Variants in LONRF1 observed in about 807,000 individuals in gnomAD.
LONRF1 encodes LON peptidase N-terminal domain and ring finger 1.
A neutral mutation model predicts 85.8 loss-of-function variants in LONRF1; 37 were observed. The observed-to-expected ratio is 0.43, with a 90% CI of 0.33 to 0.57. LONRF1 has a LOEUF of 0.57. LONRF1 is among the 20% of genes least tolerant of loss of function. The pLI is 0.04. For missense variants in LONRF1, 1,036 were observed against 978.0 expected (o/e 1.06, Z -0.79); for synonymous variants, 517 against 390.1 (o/e 1.33, Z -3.83).
At chr8:12,747,526 G>A (rs994698255) in intron 1 of LONRF1, among the ~76,000 whole-genome samples, 8 of 152,254 alleles carry the variant, frequency 5.3e-5, no homozygotes, top group East Asian at 1.9e-4. Context: ...TTTAAGGTTC[G>A]AATTGACTTT....
chr8:12,727,230 GA>G (rs1354097119), intron 10 of LONRF1: 2 of 144,882 alleles, frequency 1.4e-5, no homozygotes, highest in African/African-American at 5.0e-5. Flanking sequence ...CGTCAGTGAT[GA>G]AAAACGGAGC....
chr8:12,735,462 T>C, intron 6 of LONRF1, 62 bp from the exon 7 acceptor site: 1 of 1,060,896 alleles, frequency 9.4e-7, no homozygotes, highest in Non-Finnish European at 1.4e-6. Flanking sequence ...AAGCTTGTAC[T>C]ACTTTAGAAC....
At chr8:12,731,333 G>C (rs958090178) in intron 8 of LONRF1, among the ~76,000 whole-genome samples, 5 of 152,034 alleles carry the variant, frequency 3.3e-5, no homozygotes, top group Admixed American at 1.3e-4. Flanking sequence ...GCCCCCTTCC[G>C]GGCCTCCATG....
At position 12,755,346 on chromosome 8, in the gene LONRF1, G is replaced by T; in HGVS notation, c.75C>A (p.Gly25=). 1 of 1,238,372 alleles carries T rather than the reference G, an allele frequency of 8.1e-7. No individual in the cohort carries two copies. Among genetic ancestry groups the T allele is most frequent in the Non-Finnish European group, 1.0e-6 (1 of 987,640 alleles). 76.7% of individuals were successfully genotyped at this position (1,238,372 alleles called of 1,614,324 possible). ...REMAPAPQGR[G]RFWEVGGGSG... The stretch of plus-strand genomic sequence containing the variant: ...TGCCGCCGCCCACTTCCCAGAACCG[G>T]CCTCGGCCCTGCGGCGCTGGGGCCA... Residue 25 remains glycine (G), a synonymous_variant, in exon 1 of 12, where the codon GGC becomes GGA. Transcript: ENST00000398246.
At position 12,737,040 on chromosome 8, in the gene LONRF1, T is replaced by C; in HGVS notation, c.1214A>G (p.Glu405Gly). 6.2e-7 allele frequency: 1 copy of C among 1,613,724 alleles called. No individual in the cohort carries two copies. The highest frequency in any genetic ancestry group is 8.5e-7 in the Non-Finnish European group (1 of 1,179,704). ...SINSTEMPAR[E>G]DCLKRVSSEP... ...TGAGGACACTCTTTTTAAACAGTCC[T>C]CTCTGGCAGGCATTTCTGTTGAATT... The change falls in exon 5 of 12, where the codon GAG (glutamate) becomes GGG (glycine). Residue 405 changes from glutamate to glycine, a missense_variant. Transcript: ENST00000398246.
intron 6 of LONRF1, among the ~76,000 whole-genome samples, chr8:12,736,363 T>C (rs983543951): frequency 5.9e-5 from 9 of 152,186 alleles, no homozygotes; most frequent in Non-Finnish European, 8.8e-5. Flanking sequence ...TTTAAAACCA[T>C]GGAGATAGGT....
chr8:12,738,920 T>A (rs1272816176), intron 3 of LONRF1, among the ~76,000 whole-genome samples: 1 of 152,174 alleles, frequency 6.6e-6, no homozygotes, highest in Non-Finnish European at 1.5e-5. Context: ...AGCTGTTATC[T>A]TTCAAATACA....
intron 10 of LONRF1, among the ~76,000 whole-genome samples, chr8:12,727,916 T>C (rs1035325305): frequency 2.6e-5 from 4 of 152,198 alleles, no homozygotes; most frequent in Non-Finnish European, 5.9e-5. Context: ...AAGCTCAAAG[T>C]CTGAGTCAGA....
intron 9 of LONRF1, 48 bp downstream of exon 9, chr8:12,729,126 T>G (rs934684055): frequency 8.1e-6 from 13 of 1,611,758 alleles, no homozygotes; most frequent in African/African-American, 1.3e-5. Context: ...TCATCCATAT[T>G]GAGAGGTCTA....
intron 1 of LONRF1, among the ~76,000 whole-genome samples, chr8:12,743,658 T>C (rs1468999150): frequency 6.6e-6 from 1 of 152,196 alleles, no homozygotes; most frequent in Non-Finnish European, 1.5e-5. Flanking sequence ...TCTTATATTT[T>C]TACCCTACTT....
rs542513401 is a variant in LONRF1, at chr8:12,734,810, A to G, written c.1566+476T>C. On this transcript the variant is annotated intron_variant, in intron 7 of 11. Transcript: ENST00000398246. ...GACACTAACCATATTTAAAAGCTTA[A>G]CAGGCAAACATGGCTAATGGCTAAT... Among the ~76,000 whole-genome samples the G allele has an allele frequency of 5.9e-5, 9 of 152,330 alleles. No individual in the cohort carries two copies. The South Asian group carries it at 1.2e-3, about 21-fold the overall frequency.
intron 7 of LONRF1, among the ~76,000 whole-genome samples, chr8:12,733,736 T>C (rs1416303603): frequency 2.0e-5 from 3 of 152,160 alleles, no homozygotes; most frequent in Non-Finnish European, 4.4e-5. Flanking sequence ...ACTGGACTAT[T>C]ATGCTGCTAT....
At chr8:12,748,447 T>G (rs528006059) in intron 1 of LONRF1, among the ~76,000 whole-genome samples, 1 of 152,194 alleles carries the variant, frequency 6.6e-6, no homozygotes, top group South Asian at 2.1e-4. Context: ...TCCTCCCTCC[T>G]TGGCCTCCCA....
At chr8:12,727,421 A>T (rs1213480221) in intron 10 of LONRF1, 1 of 151,710 alleles carries the variant, frequency 6.6e-6, no homozygotes, top group African/African-American at 2.4e-5. Context: ...TTGCCATATA[A>T]AACAAATTTG....
chr8:12,733,119 A>C (rs1418844177), intron 7 of LONRF1, among the ~76,000 whole-genome samples: 1 of 152,170 alleles, frequency 6.6e-6, no homozygotes, highest in African/African-American at 2.4e-5. Flanking sequence ...ACAAGTTGTC[A>C]GGTGACAGAT....
intron 11 of LONRF1, among the ~76,000 whole-genome samples, chr8:12,724,042 T>G (rs1806046987): frequency 1.3e-5 from 2 of 152,224 alleles, no homozygotes; most frequent in Non-Finnish European, 2.9e-5. Flanking sequence ...CAAAAGGAGC[T>G]ACGACATCAG....
chr8:12,726,206 T>G (rs1798295034), intron 10 of LONRF1, among the ~76,000 whole-genome samples: 1 of 152,072 alleles, frequency 6.6e-6, no homozygotes, highest in African/African-American at 2.4e-5. Flanking sequence ...TGGAATTCCA[T>G]TTGTCTTTAT....
rs771283734 is a variant in LONRF1 at position 12,728,997 on chromosome 8, C to T, written c.1914G>A (p.Val638=). 1 of 1,614,034 alleles carries T rather than the reference C, an allele frequency of 6.2e-7. No individual in the cohort carries two copies. Among genetic ancestry groups the T allele is most frequent in the South Asian group, 1.1e-5 (1 of 91,078 alleles). The change falls in exon 10 of 12, where the codon GTG becomes GTA. Residue 638 remains valine, a synonymous_variant. Coordinates refer to ENST00000398246, the MANE Select transcript of LONRF1 (RefSeq NM_152271.5). ...NVHFLPDGRS[V]VDTVGGKRFR... The stretch of plus-strand genomic sequence containing the variant: ...ACCGCTTTCCTCCAACTGTATCAAC[C>T]ACAGACCTTCCGTCCGGTAAGAAAT...
intron 1 of LONRF1, among the ~76,000 whole-genome samples, chr8:12,748,796 C>A (rs989880034): frequency 1.6e-5 from 2 of 126,622 alleles, no homozygotes; most frequent in Non-Finnish European, 3.2e-5. Flanking sequence ...CAAAGGCTAA[C>A]CAGAATATCA....
Sources: allele counts gnomAD v4.1 joint callset (sites outside exome capture counted in the v4.1 genomes callset), GRCh38; gene constraint gnomAD v4.1.1; transcripts MANE v1.5; gene names NCBI Gene and HGNC (gene_info 2026-07-23, HGNC 2026-07-21).